Variants in ANO3 observed in about 807,000 individuals in gnomAD.
ANO3 encodes the protein anoctamin-3.
Under a neutral mutation model 144.8 loss-of-function variants are expected in ANO3, and 99 were observed. That is an observed-to-expected ratio of 0.68 (90% confidence interval 0.58 to 0.81). The LOEUF (loss-of-function observed/expected upper bound fraction) is 0.81. Ranked by LOEUF, ANO3 falls within the 30% of genes least tolerant of loss-of-function variation. The pLI is 0.00. For synonymous variants in ANO3, 414 were observed against 392.6 expected, an observed-to-expected ratio of 1.05 and a Z score of -0.64; for missense variants, 905 against 1,202.2, an observed-to-expected ratio of 0.75 and a Z score of 3.66.
intron 1 of ANO3, among the ~76,000 whole-genome samples, chr11:26,424,820 G>A (rs1168953415): frequency 2.0e-5 from 3 of 151,978 alleles, no homozygotes; most frequent in Non-Finnish European, 4.4e-5. Context: ...AAGGGGAACT[G>A]TATGGTGTTT....
chr11:26,578,666 G>T (rs61877058), intron 14 of ANO3, among the ~76,000 whole-genome samples: 1 of 152,148 alleles, frequency 6.6e-6, no homozygotes. Context: ...TAAAAAGTAC[G>T]ATTATATTAG....
intron 1 of ANO3, among the ~76,000 whole-genome samples, chr11:26,254,273 G>T (rs1444493236): frequency 6.6e-6 from 1 of 152,102 alleles, no homozygotes; most frequent in Admixed American, 6.6e-5. Flanking sequence ...AGCCTAAATA[G>T]TTTAGGAGCT....
intron 4 of ANO3, among the ~76,000 whole-genome samples, chr11:26,503,438 T>C (rs1458828000): frequency 6.6e-6 from 1 of 152,148 alleles, no homozygotes; most frequent in African/African-American, 2.4e-5. Flanking sequence ...TTAATTAACA[T>C]ATTTGTGAAT....
At chr11:26,483,613 C>T (rs1860317480) in intron 4 of ANO3, among the ~76,000 whole-genome samples, 2 of 152,136 alleles carry the variant, frequency 1.3e-5, no homozygotes, top group South Asian at 4.1e-4. Context: ...GTTTCCTATA[C>T]AGCCTGCAGA....
At chr11:26,653,135 C>T (rs577747977) in intron 24 of ANO3, among the ~76,000 whole-genome samples, 2 of 152,130 alleles carry the variant, frequency 1.3e-5, no homozygotes, top group Admixed American at 6.5e-5. Flanking sequence ...GATCGATCTA[C>T]GCTCATACCT....
intron 18 of ANO3, among the ~76,000 whole-genome samples, chr11:26,631,831 C>T (rs1852789760): frequency 6.6e-6 from 1 of 151,736 alleles, no homozygotes; most frequent in Non-Finnish European, 1.5e-5. Flanking sequence ...GTATAGATAG[C>T]AAAAAAATGA....
chr11:26,332,126 G>C, upstream of ANO3: 1 of 1,503,110 alleles, frequency 6.7e-7, no homozygotes, highest in South Asian at 1.3e-5. Context: ...CGGGCGCGTA[G>C]CCTGGAGAGC....
intron 3 of ANO3, among the ~76,000 whole-genome samples, chr11:26,455,893 A>G (rs1859136806): frequency 6.6e-6 from 1 of 151,944 alleles, no homozygotes; most frequent in Non-Finnish European, 1.5e-5. Flanking sequence ...TCAATGGAAC[A>G]GAACAGAGCC....
At chr11:26,493,632 C>G (rs1246384285) in intron 4 of ANO3, among the ~76,000 whole-genome samples, 1 of 152,168 alleles carries the variant, frequency 6.6e-6, no homozygotes, top group African/African-American at 2.4e-5. Flanking sequence ...CTTTAGAATA[C>G]TGAAGTCATT....
At chr11:26,368,283 T>C (rs1856149305) in intron 1 of ANO3, among the ~76,000 whole-genome samples, 1 of 152,200 alleles carries the variant, frequency 6.6e-6, no homozygotes, top group Non-Finnish European at 1.5e-5. Context: ...TAGATGGCTC[T>C]TCAGTTTTTT....
At chr11:26,459,813 G>A (rs1590379419) in intron 3 of ANO3, among the ~76,000 whole-genome samples, 1 of 152,082 alleles carries the variant, frequency 6.6e-6, no homozygotes, top group Non-Finnish European at 1.5e-5. Context: ...AAAATGAGGA[G>A]TCAAGATCAC....
chr11:26,643,361 T>A, intron 23 of ANO3, 27 bp downstream of exon 23: 1 of 1,612,874 alleles, frequency 6.2e-7, no homozygotes, highest in Non-Finnish European at 8.5e-7. Flanking sequence ...AAATGATTTT[T>A]ACGTTGCTAA....
At chr11:26,270,316 G>A (rs1163978106) in intron 1 of ANO3, among the ~76,000 whole-genome samples, 1 of 152,088 alleles carries the variant, frequency 6.6e-6, no homozygotes, top group Non-Finnish European at 1.5e-5. Flanking sequence ...ATTGGGGATG[G>A]GGGAGGGTGG....
chr11:26,255,915 A>T (rs1160200480), intron 1 of ANO3, among the ~76,000 whole-genome samples: 1 of 152,162 alleles, frequency 6.6e-6, no homozygotes, highest in African/African-American at 2.4e-5. Context: ...AGACTTGACT[A>T]GAAAAGGCCA....
chr11:26,630,095 G>C (rs564485416), intron 18 of ANO3, among the ~76,000 whole-genome samples: 1 of 152,040 alleles, frequency 6.6e-6, no homozygotes, highest in African/African-American at 2.4e-5. Context: ...AGTGTAGATA[G>C]TATCAAGTCT....
intron 1 of ANO3, among the ~76,000 whole-genome samples, chr11:26,250,611 A>G (rs1852906125): frequency 6.6e-6 from 1 of 152,206 alleles, no homozygotes; most frequent in Non-Finnish European, 1.5e-5. Context: ...GGCTTAAGGT[A>G]GTGAGTTGGT....
intron 1 of ANO3, among the ~76,000 whole-genome samples, chr11:26,366,988 CA>C (rs1474561094): frequency 9.9e-5 from 15 of 152,144 alleles, no homozygotes; most frequent in South Asian, 6.2e-4. Context: ...ACAAACCTGA[CA>C]AAAACAAGAA....
chr11:26,296,079 G>T (rs1854082315), intron 1 of ANO3, among the ~76,000 whole-genome samples: 1 of 152,172 alleles, frequency 6.6e-6, no homozygotes, highest in Admixed American at 6.5e-5. Context: ...TCAAAATAAA[G>T]AAATGAAAAC....
chr11:26,602,478 A>T (rs1415426908), intron 17 of ANO3, among the ~76,000 whole-genome samples: 1 of 152,160 alleles, frequency 6.6e-6, no homozygotes, highest in Non-Finnish European at 1.5e-5. Context: ...TGCAATCCCA[A>T]CACTTTGGGA....
Sources: allele counts gnomAD v4.1 joint callset (sites outside exome capture counted in the v4.1 genomes callset), GRCh38; gene constraint gnomAD v4.1.1; transcripts MANE v1.5; gene names NCBI Gene and HGNC (gene_info 2026-07-23, HGNC 2026-07-21).